Variants in CACUL1 observed in about 807,000 individuals in gnomAD.
CACUL1 encodes CDK2-associated and cullin domain-containing protein 1.
In CACUL1, 13 loss-of-function variants were observed where a neutral mutation model predicts 45.2. The ratio of observed to expected loss-of-function variants is 0.29; its 90% CI spans 0.19 to 0.46. The LOEUF is 0.46. CACUL1 is among the 20% of genes least tolerant of loss of function. The pLI is 1.00. For synonymous variants in CACUL1, 197 were observed against 174.2 expected, an observed-to-expected ratio of 1.13 and a Z score of -1.03; for missense variants, 421 against 471.4, an observed-to-expected ratio of 0.89 and a Z score of 0.99.
intron 1 of CACUL1, 133 bp from the exon 2 acceptor site, chr10:118,730,543 T>C (rs1845688681): frequency 4.8e-6 from 4 of 840,944 alleles, no homozygotes; most frequent in Non-Finnish European, 1.8e-6. Flanking sequence ...CACCTAACTA[T>C]CCTATTTCAA....
At chr10:118,742,550 C>T (rs1027109108) in intron 1 of CACUL1, among the ~76,000 whole-genome samples, 3 of 152,086 alleles carry the variant, frequency 2.0e-5, no homozygotes, top group East Asian at 1.9e-4. Context: ...GAAGTTCGGC[C>T]GGGAACAGAG....
At position 118,676,585 on chromosome 10, in the gene CACUL1, T is replaced by C. The variant is rs1183766171; in HGVS notation, c.*9543A>G. Reference sequence around the variant, plus strand: ...TAGTCATTAAAACCAAGCATGAAAATAAACTTACCTTAAGAACATTAAGTT... The same window carrying C: ...TAGTCATTAAAACCAAGCATGAAAACAAACTTACCTTAAGAACATTAAGTT... On this transcript the variant is annotated 3_prime_UTR_variant, in exon 9 of 9. Transcript: ENST00000369151. 1 of 152,140 alleles carries C rather than the reference T, an allele frequency of 6.6e-6. No individual in the cohort carries two copies. The highest frequency in any genetic ancestry group is 6.5e-5 in the Admixed American group (1 of 15,280). The allele number at this position is 152,140 out of a possible 1,614,324, so 9.4% of individuals were successfully genotyped here. A position where few individuals can be genotyped will look rare whatever the true frequency, so the allele number is the denominator to read the frequency against.
At chr10:118,693,003 T>C (rs1845287012) in intron 6 of CACUL1, 1 of 152,194 alleles carries the variant, frequency 6.6e-6, no homozygotes, top group African/African-American at 2.4e-5. Flanking sequence ...GAACCACTAA[T>C]CAGTCACAGC....
intron 4 of CACUL1, among the ~76,000 whole-genome samples, chr10:118,701,864 G>C (rs1310414398): frequency 6.6e-6 from 1 of 152,026 alleles, no homozygotes; most frequent in Non-Finnish European, 1.5e-5. Context: ...GCATTCCCTG[G>C]GGACCACCTT....
chr10:118,718,636 C>T (rs867609530), intron 3 of CACUL1, among the ~76,000 whole-genome samples: 69 of 152,238 alleles, frequency 4.5e-4, no homozygotes, highest in African/African-American at 1.6e-3. Context: ...AGTGCAGTGG[C>T]GCAATCTCGG....
intron 1 of CACUL1, among the ~76,000 whole-genome samples, chr10:118,732,753 C>T (rs1845709256): frequency 6.6e-6 from 1 of 152,142 alleles, no homozygotes; most frequent in African/African-American, 2.4e-5. Flanking sequence ...CCCAATCCCC[C>T]TAGAGCTGCT....
At chr10:118,702,114 A>C (rs1454623656) in intron 4 of CACUL1, among the ~76,000 whole-genome samples, 1 of 152,140 alleles carries the variant, frequency 6.6e-6, no homozygotes, top group Admixed American at 6.5e-5. Flanking sequence ...CTGGACAATG[A>C]GTCTCAGAAG....
chr10:118,741,734 C>T (rs890566248), intron 1 of CACUL1, among the ~76,000 whole-genome samples: 4 of 152,192 alleles, frequency 2.6e-5, no homozygotes, highest in African/African-American at 9.7e-5. Context: ...CACTCTCTAT[C>T]CGCTCTAAAT....
rs139121079 is a variant in CACUL1, at chr10:118,751,903, G to A, written c.367+2493C>T. 2.0e-4 allele frequency among the ~76,000 whole-genome samples: 30 copies of A among 152,118 alleles called. No homozygotes were observed. The East Asian group carries it at 4.1e-3, about 21-fold the overall frequency. ...CTTTTTAAAGGTCTTGCGTATTCAC[G>A]GGTTGATTCCTAGAGACTTTAGAGT... On this transcript the variant is annotated intron_variant, in intron 1 of 8. Transcript: ENST00000369151.
chr10:118,741,467 C>G (rs1365922184), intron 1 of CACUL1, among the ~76,000 whole-genome samples: 2 of 151,296 alleles, frequency 1.3e-5, no homozygotes, highest in Non-Finnish European at 1.5e-5. Flanking sequence ...GACAGACAGA[C>G]ACACACACAC....
chr10:118,728,327 T>TC (rs973472660), intron 3 of CACUL1, among the ~76,000 whole-genome samples: 1 of 151,544 alleles, frequency 6.6e-6, no homozygotes, highest in Non-Finnish European at 1.5e-5. Flanking sequence ...CTTTTTTTTT[T>TC]TTTTTGAGAC....
intron 1 of CACUL1, among the ~76,000 whole-genome samples, chr10:118,752,507 CTG>C (rs1160932053): frequency 3.9e-5 from 6 of 152,302 alleles, no homozygotes; most frequent in Non-Finnish European, 8.8e-5. Context: ...GATCAGGACT[CTG>C]TAACACACTG....
In CACUL1 at chr10:118,685,173, A is replaced by C. The variant is rs565356357; in HGVS notation, c.*955T>G. On this transcript the variant is annotated 3_prime_UTR_variant, in exon 9 of 9. Transcript: ENST00000369151. ...CTTAATAACTGTATCTGCTTCCTAG[A>C]GCATCGCAGGAAGTAGCTCTCAATA... 6.9e-6 allele frequency: 1 copy of C among 145,434 alleles called. No homozygotes were observed. Among genetic ancestry groups the C allele is most frequent in the South Asian group, 2.2e-4 (1 of 4,614 alleles). 9.0% of individuals were successfully genotyped at this position (145,434 alleles called of 1,614,324 possible).
chr10:118,715,352 AG>A (rs1845532339), intron 3 of CACUL1, among the ~76,000 whole-genome samples: 1 of 152,220 alleles, frequency 6.6e-6, no homozygotes, highest in Admixed American at 6.5e-5. Context: ...TAAACAAGGA[AG>A]GTTGATTGGT....
chr10:118,691,182 C>T, intron 7 of CACUL1, 83 bp downstream of exon 7: 1 of 1,224,992 alleles, frequency 8.2e-7, no homozygotes. Flanking sequence ...ATTCTCAGAA[C>T]CTTACCATTT....
chr10:118,697,544 CAAG>C (rs1564829430), intron 5 of CACUL1, among the ~76,000 whole-genome samples: 1 of 152,228 alleles, frequency 6.6e-6, no homozygotes. Flanking sequence ...GGACCAGAAC[CAAG>C]CTCCTCTGCT....
intron 3 of CACUL1, among the ~76,000 whole-genome samples, chr10:118,714,065 T>C (rs1282114638): frequency 1.3e-5 from 2 of 152,222 alleles, no homozygotes; most frequent in Non-Finnish European, 2.9e-5. Context: ...AAACAAAATT[T>C]AGTAAGAGGA....
intron 3 of CACUL1, among the ~76,000 whole-genome samples, chr10:118,718,900 T>C (rs543744343): frequency 6.6e-6 from 1 of 152,334 alleles, no homozygotes; most frequent in East Asian, 1.9e-4. Flanking sequence ...AAGCAGAAAC[T>C]GTTCTTTTTA....
At chr10:118,700,811 C>A (rs1845372448) in intron 5 of CACUL1, among the ~76,000 whole-genome samples, 1 of 151,834 alleles carries the variant, frequency 6.6e-6, no homozygotes, top group Admixed American at 6.6e-5. Flanking sequence ...TTTTACAAAT[C>A]CTAATTCACA....
Sources: allele counts gnomAD v4.1 joint callset (sites outside exome capture counted in the v4.1 genomes callset), GRCh38; gene constraint gnomAD v4.1.1; transcripts MANE v1.5; gene names NCBI Gene and HGNC (gene_info 2026-07-23, HGNC 2026-07-21).